Variants in ALMS1 observed in about 807,000 individuals in gnomAD.
The protein encoded by ALMS1 is centrosome-associated protein ALMS1.
A neutral mutation model predicts 352.2 loss-of-function variants in ALMS1; 271 were observed. The observed-to-expected ratio is 0.77, with a 90% CI of 0.70 to 0.85. The LOEUF (loss-of-function observed/expected upper bound fraction) is 0.85. ALMS1 is among the 40% of genes least tolerant of loss of function. ALMS1 has a pLI of 0.00. For missense variants in ALMS1, 5,445 were observed against 4,870.7 expected (o/e 1.12, Z -3.51); for synonymous variants, 1,865 against 1,761.2 (o/e 1.06, Z -1.48).
chr2:73,598,201 T>C (rs1675592843), intron 16 of ALMS1, among the ~76,000 whole-genome samples: 1 of 152,232 alleles, frequency 6.6e-6, no homozygotes, highest in Non-Finnish European at 1.5e-5. Context: ...ATTAAATGTT[T>C]TGGCATTTTG....
chr2:73,496,611 A>G (rs986103624), intron 10 of ALMS1, among the ~76,000 whole-genome samples: 1 of 143,896 alleles, frequency 6.9e-6, no homozygotes, highest in African/African-American at 2.4e-5. Context: ...GTTATATGGT[A>G]CAGGTGTATA....
At chr2:73,531,625 TC>T (rs1387416941) in intron 11 of ALMS1, among the ~76,000 whole-genome samples, 1 of 152,262 alleles carries the variant, frequency 6.6e-6, no homozygotes, top group African/African-American at 2.4e-5. Flanking sequence ...GTTCAGGTTA[TC>T]TTTATAGCAG....
chr2:73,520,948 T>G (rs1673662615), intron 11 of ALMS1, among the ~76,000 whole-genome samples: 1 of 152,156 alleles, frequency 6.6e-6, no homozygotes. Context: ...TTTGGACAAG[T>G]CTACTCAAAG....
chr2:73,403,391 G>A (rs1001618654), intron 1 of ALMS1, among the ~76,000 whole-genome samples: 7 of 152,068 alleles, frequency 4.6e-5, no homozygotes, highest in African/African-American at 1.7e-4. Flanking sequence ...TGGTTTACAT[G>A]TCTACTTTTT....
At chr2:73,587,093 A>C (rs1361020242) in intron 16 of ALMS1, among the ~76,000 whole-genome samples, 1 of 152,160 alleles carries the variant, frequency 6.6e-6, no homozygotes, top group Non-Finnish European at 1.5e-5. Flanking sequence ...TTGTTGGTGC[A>C]TAGCAGTGCT....
At chr2:73,562,845 C>A (rs1318334375) in intron 15 of ALMS1, among the ~76,000 whole-genome samples, 1 of 151,934 alleles carries the variant, frequency 6.6e-6, no homozygotes, top group African/African-American at 2.4e-5. Flanking sequence ...TGAGATCATG[C>A]CATTGCACTC....
rs75434052 is a variant in ALMS1 at position 73,451,696 on chromosome 2, A to G, written c.5169A>G (p.Gln1723=). The G allele has an allele frequency of 3.2e-3, 5,097 of 1,613,198 alleles. 154 individuals are homozygous for G. The African/African-American group carries it at 0.059, about 19-fold the overall frequency. Residue 1723 remains glutamine (Q), a synonymous_variant, in exon 8 of 23, where the codon CAA becomes CAG. Coordinates refer to ENST00000613296, the MANE Select transcript of ALMS1 (RefSeq NM_001378454.1). ...GAGAGAAGCCCATTGTCTTCTACCA[A>G]CAGGCCCTGCCAGACAGTGAGCTAA... ...SYREKPIVFY[Q]QALPDSELTQ...
intron 10 of ALMS1, among the ~76,000 whole-genome samples, chr2:73,513,930 C>T (rs1673503530): frequency 6.6e-6 from 1 of 152,158 alleles, no homozygotes; most frequent in Admixed American, 6.5e-5. Flanking sequence ...CCATTTGCTA[C>T]AGATTCCCGC....
intron 12 of ALMS1, among the ~76,000 whole-genome samples, chr2:73,549,289 A>C (rs933111699): frequency 2.0e-5 from 3 of 152,210 alleles, no homozygotes; most frequent in Admixed American, 1.3e-4. Context: ...CAAATCTTTT[A>C]CTTATCATCT....
chr2:73,414,484 T>G (rs557133112), intron 2 of ALMS1, among the ~76,000 whole-genome samples: 1,023 of 90,548 alleles, frequency 0.011, 12 homozygotes, highest in Middle Eastern at 0.025. Flanking sequence ...TTTTTTTTTT[T>G]TTTTGTTTTT....
chr2:73,395,725 G>A (rs575551378), intron 1 of ALMS1, among the ~76,000 whole-genome samples: 279 of 152,140 alleles, frequency 1.8e-3, no homozygotes, highest in African/African-American at 6.5e-3. Context: ...ATCATGTCAA[G>A]GGCAAATATA....
chr2:73,558,989 G>C lies in ALMS1; in HGVS notation c.10231G>C (p.Ala3411Pro). The change falls in exon 15 of 23, where the codon GCT becomes CCT. Residue 3411 changes from alanine to proline, a missense_variant. Physicochemically the swap from Ala to Pro is conservative, Grantham distance 27. Coordinates refer to ENST00000613296, the MANE Select transcript of ALMS1 (RefSeq NM_001378454.1). Reference protein sequence around the residue: ...KDTADSSAAAAAEHSAQVGDP... With the variant: ...KDTADSSAAAPAEHSAQVGDP... ...TTTCGTAGATTCCAGTGCTGCTGCT[G>C]CTGCAGAGCACTCAGCTCAAGTAGG... 2 of 1,613,952 alleles carry C rather than the reference G, an allele frequency of 1.2e-6. No homozygotes were observed. The highest frequency in any genetic ancestry group is 1.7e-6 in the Non-Finnish European group (2 of 1,179,916).
chr2:73,451,651 C>T lies in ALMS1; in HGVS notation c.5124C>T (p.Ser1708=), dbSNP rs1172791139. 8 of 1,613,842 alleles carry T rather than the reference C, an allele frequency of 5.0e-6. No homozygotes were observed. Among genetic ancestry groups the T allele is most frequent in the Non-Finnish European group, 6.8e-6 (8 of 1,179,988 alleles). ...AGAAGACTGAGACACCATCAGTATC[C>T]TCTAGTTTATACTCATATAGAGAGA... is the stretch of plus-strand genomic sequence containing the variant. The part of the protein sequence containing the change: ...DAQKTETPSV[S]SSLYSYREKP... Residue 1708 remains serine (S), a synonymous_variant, in exon 8 of 23, where the codon TCC becomes TCT. Transcript: ENST00000613296.
rs374663067 is a variant in ALMS1 at position 73,447,978 on chromosome 2, G to T, written c.1451G>T (p.Gly484Val). 9.9e-6 allele frequency: 16 copies of T among 1,611,808 alleles called. No individual in the cohort carries two copies. Among genetic ancestry groups the T allele is most frequent in the Non-Finnish European group, 1.4e-5 (16 of 1,178,884 alleles). ...TCTTTAGGAGACACTTCTAAAGGAG[G>T]CATAGCTAAAGTTACTCAATCCAAC... ...HLKAGDTSKG[G>V]IAKVTQSNLK... The change falls in exon 8 of 23, where the codon GGC becomes GTC. Residue 484 changes from glycine (G) to valine (V), a missense_variant. Transcript: ENST00000613296.
intron 6 of ALMS1, among the ~76,000 whole-genome samples, chr2:73,429,797 CA>C (rs1010396208): frequency 2.2e-4 from 34 of 152,228 alleles, no homozygotes; most frequent in African/African-American, 7.7e-4. Flanking sequence ...GTCATCACCC[CA>C]AATTCAACTT....
chr2:73,490,094 C>G lies in ALMS1; in HGVS notation c.8135C>G (p.Thr2712Ser), dbSNP rs2103890764. 8 of 1,614,196 alleles carry G rather than the reference C, an allele frequency of 5.0e-6. No individual in the cohort carries two copies. The highest frequency in any genetic ancestry group is 2.2e-5 in the East Asian group (1 of 44,886). ...TCCCCAGAACCCATGAAAAAGTTTACTACCTCCATCACTTTTTCATCTCAC... is the reference window on the plus strand; with the variant it reads ...TCCCCAGAACCCATGAAAAAGTTTAGTACCTCCATCACTTTTTCATCTCAC... ...MPSPEPMKKF[T>S]TSITFSSHRH... The change falls in exon 10 of 23, where the codon ACT (threonine) becomes AGT (serine). Residue 2712 changes from threonine (T) to serine (S), a missense_variant. Transcript: ENST00000613296.
rs575988745 is a variant in ALMS1 at position 73,391,420 on chromosome 2, A to C, written c.324+5228A>C. Among the ~76,000 whole-genome samples the C allele has an allele frequency of 6.7e-5, 10 of 149,572 alleles. No individual in the cohort carries two copies. In the South Asian group the frequency reaches 2.1e-3, roughly 31 times the overall value. The stretch of plus-strand genomic sequence containing the variant: ...GCCATTCTCCTGCCTCAGCCTCCCG[A>C]GTAGCTGCGACTACAGGCGCCCGCC... On this transcript the variant is annotated intron_variant, in intron 1 of 22. Coordinates refer to ENST00000613296, the MANE Select transcript of ALMS1 (RefSeq NM_001378454.1).
rs945845362 is a variant in ALMS1, at chr2:73,394,259, T to C, written c.324+8067T>C. Among the ~76,000 whole-genome samples the C allele has an allele frequency of 2.0e-5, 3 of 152,232 alleles. No homozygotes were observed. In the East Asian group the frequency reaches 5.8e-4, roughly 29 times the overall value. On this transcript the variant is annotated intron_variant, in intron 1 of 22. Coordinates refer to ENST00000613296, the MANE Select transcript of ALMS1 (RefSeq NM_001378454.1). Reference sequence around the variant, plus strand: ...TCCATATGAATTTTAGATTAGCTTGTCAGTTTCTGCAAAGAAGCCAGCTAG... The same window carrying C: ...TCCATATGAATTTTAGATTAGCTTGCCAGTTTCTGCAAAGAAGCCAGCTAG...
intron 9 of ALMS1, among the ~76,000 whole-genome samples, chr2:73,457,740 C>T (rs1435767613): frequency 6.6e-6 from 1 of 151,874 alleles, no homozygotes; most frequent in Non-Finnish European, 1.5e-5. Flanking sequence ...GATAAAAAGT[C>T]TAAAACTTTT....
Sources: allele counts gnomAD v4.1 joint callset (sites outside exome capture counted in the v4.1 genomes callset), GRCh38; gene constraint gnomAD v4.1.1; transcripts MANE v1.5; gene names NCBI Gene and HGNC (gene_info 2026-07-23, HGNC 2026-07-21).